The following OXR1 variants were observed in gnomAD, a reference collection of about 807,000 sequenced individuals.
The protein encoded by OXR1 is oxidation resistance 1.
OXR1 carries 41 observed loss-of-function variants against 104.6 expected under a neutral mutation model. The observed-to-expected ratio is 0.39, with a 90% CI of 0.31 to 0.51. The LOEUF (loss-of-function observed/expected upper bound fraction) is 0.51, where lower values mean the gene tolerates loss of function less well. Ranked by LOEUF, OXR1 falls within the 20% of genes least tolerant of loss-of-function variation. OXR1 has a pLI of 0.77. For synonymous variants in OXR1, 348 were observed against 348.4 expected (o/e 1.00, Z 0.01); for missense variants, 955 against 1,031.9 (o/e 0.93, Z 1.02).
At chr8:106,487,720 A>G (rs1810783998) in intron 2 of OXR1, among the ~76,000 whole-genome samples, 1 of 150,288 alleles carries the variant, frequency 6.7e-6, no homozygotes, top group Non-Finnish European at 1.5e-5. Context: ...ATGATTTCCA[A>G]TTTCATCCAT....
At chr8:106,421,172 T>C (rs182544532) in intron 2 of OXR1, among the ~76,000 whole-genome samples, 3 of 152,260 alleles carry the variant, frequency 2.0e-5, no homozygotes, top group African/African-American at 7.2e-5. Flanking sequence ...CTTAGAATAC[T>C]TGGATTTGTG....
chr8:106,595,160 C>T (rs973374572), intron 3 of OXR1, among the ~76,000 whole-genome samples: 1 of 152,216 alleles, frequency 6.6e-6, no homozygotes, highest in Non-Finnish European at 1.5e-5. Context: ...GTTCTCTAGA[C>T]TCTGAGAAAG....
chr8:106,452,658 G>A (rs1162558419), intron 2 of OXR1, among the ~76,000 whole-genome samples: 1 of 152,038 alleles, frequency 6.6e-6, no homozygotes, highest in Non-Finnish European at 1.5e-5. Flanking sequence ...TACTGTTCCT[G>A]GAATTGTACT....
At chr8:106,332,989 A>G (rs944072580) in intron 1 of OXR1, among the ~76,000 whole-genome samples, 8 of 152,110 alleles carry the variant, frequency 5.3e-5, no homozygotes, top group African/African-American at 1.9e-4. Flanking sequence ...ATTCTGCTTT[A>G]TGATTGAATA....
rs534340694 is a variant in OXR1, at chr8:106,283,397, T to C, written c.-139+13030T>C. On this transcript the variant is annotated intron_variant, in intron 1 of 16. Coordinates refer to ENST00000517566, the MANE Select transcript of OXR1 (RefSeq NM_001198533.2). ...TCTGAATCTGTTGGGTTCAACCTCA[T>C]GTGTCTGTGGATTCCAGAAGGACCG... Among the ~76,000 whole-genome samples, 181 of 152,286 alleles carry C rather than the reference T, an allele frequency of 1.2e-3. 1 individual carries two copies. The highest frequency in any genetic ancestry group is 2.1e-3 in the Non-Finnish European group (143 of 68,008).
intron 3 of OXR1, among the ~76,000 whole-genome samples, chr8:106,678,287 TAGAG>T (rs1827803768): frequency 6.6e-6 from 1 of 152,002 alleles, no homozygotes; most frequent in Non-Finnish European, 1.5e-5. Flanking sequence ...TAAGTTTAGA[TAGAG>T]GGAGAACAAT....
At chr8:106,487,270 C>T (rs1428777798) in intron 2 of OXR1, among the ~76,000 whole-genome samples, 15 of 151,156 alleles carry the variant, frequency 9.9e-5, no homozygotes, top group African/African-American at 2.9e-4. Context: ...GTGATCTGCC[C>T]GCCTCGGCCT....
chr8:106,513,813 T>G (rs1203084579), intron 2 of OXR1, among the ~76,000 whole-genome samples: 1 of 152,160 alleles, frequency 6.6e-6, no homozygotes, highest in Admixed American at 6.6e-5. Context: ...CATATGGTGT[T>G]TATTGATTCT....
intron 1 of OXR1, among the ~76,000 whole-genome samples, chr8:106,342,887 G>A (rs1352619258): frequency 6.6e-6 from 1 of 152,126 alleles, no homozygotes; most frequent in African/African-American, 2.4e-5. Flanking sequence ...TTAAAACCAT[G>A]TTCTGGAAAA....
At chr8:106,493,553 T>C (rs1356900402) in intron 2 of OXR1, among the ~76,000 whole-genome samples, 1 of 152,134 alleles carries the variant, frequency 6.6e-6, no homozygotes, top group Non-Finnish European at 1.5e-5. Context: ...CTTTCATGCT[T>C]ATATTAACTA....
chr8:106,655,307 GTT>G lies in OXR1; in HGVS notation c.221-23892_221-23891del, dbSNP rs34669888. Among the ~76,000 whole-genome samples, 11 of 147,690 alleles carry G rather than the reference GTT, an allele frequency of 7.4e-5. No homozygotes were observed. The South Asian group carries it at 1.3e-3, about 17-fold the overall frequency. On this transcript the variant is annotated intron_variant, in intron 3 of 16. Coordinates refer to ENST00000517566, the MANE Select transcript of OXR1 (RefSeq NM_001198533.2). ...AGTACTTAAATTACATATGAATAAA[GTT>G]TTTTTTTTTTAATGAGGCAAAAGGT...
At chr8:106,333,582 A>G (rs1814825502) in intron 1 of OXR1, among the ~76,000 whole-genome samples, 1 of 152,026 alleles carries the variant, frequency 6.6e-6, no homozygotes, top group Non-Finnish European at 1.5e-5. Context: ...AATTATACCT[A>G]TGTTTTCTTC....
chr8:106,611,293 C>T (rs1361191560), intron 3 of OXR1, among the ~76,000 whole-genome samples: 1 of 152,086 alleles, frequency 6.6e-6, no homozygotes, highest in African/African-American at 2.4e-5. Context: ...CATTCAAGGA[C>T]CAGAAAAGAG....
At chr8:106,658,730 G>C (rs1825436445) in intron 3 of OXR1, among the ~76,000 whole-genome samples, 2 of 151,468 alleles carry the variant, frequency 1.3e-5, no homozygotes, top group African/African-American at 4.9e-5. Context: ...TTTTTGAACG[G>C]CTGCACGTTG....
At chr8:106,534,775 C>G (rs1814357324) in intron 3 of OXR1, among the ~76,000 whole-genome samples, 1 of 152,164 alleles carries the variant, frequency 6.6e-6, no homozygotes, top group African/African-American at 2.4e-5. Flanking sequence ...AGTACTGAAT[C>G]TGACTAGTAA....
intron 9 of OXR1, among the ~76,000 whole-genome samples, chr8:106,709,276 T>C (rs1831462810): frequency 6.6e-6 from 1 of 152,164 alleles, no homozygotes; most frequent in African/African-American, 2.4e-5. Flanking sequence ...TGCTTTTTTA[T>C]GTCATGAACC....
At chr8:106,292,172 T>A (rs1456755190) in intron 1 of OXR1, among the ~76,000 whole-genome samples, 1 of 152,180 alleles carries the variant, frequency 6.6e-6, no homozygotes, top group African/African-American at 2.4e-5. Flanking sequence ...GTGCTTGTAT[T>A]CAAGTCATCC....
intron 1 of OXR1, among the ~76,000 whole-genome samples, chr8:106,318,426 A>G (rs1814068012): frequency 6.6e-6 from 1 of 152,156 alleles, no homozygotes; most frequent in African/African-American, 2.4e-5. Context: ...GAGGAAAATG[A>G]ATTTTTTTGT....
chr8:106,503,680 A>T (rs149537210), intron 2 of OXR1, among the ~76,000 whole-genome samples: 13 of 152,314 alleles, frequency 8.5e-5, no homozygotes, highest in African/African-American at 3.1e-4. Context: ...TGACAAGGGG[A>T]TGTAAAGAGC....
Sources: allele counts gnomAD v4.1 joint callset (sites outside exome capture counted in the v4.1 genomes callset), GRCh38; gene constraint gnomAD v4.1.1; transcripts MANE v1.5; gene names NCBI Gene and HGNC (gene_info 2026-07-23, HGNC 2026-07-21).